Variants in GPATCH2 observed in about 807,000 individuals in gnomAD.
GPATCH2 encodes G patch domain-containing protein 2.
Under a neutral mutation model 58.0 loss-of-function variants are expected in GPATCH2, and 51 were observed. That is an observed-to-expected ratio of 0.88 (90% CI 0.70 to 1.11). GPATCH2 has a LOEUF of 1.11. Ranked by LOEUF, GPATCH2 falls within the 50% of genes most tolerant of loss-of-function variation. GPATCH2 has a pLI of 0.00. For synonymous variants in GPATCH2, 222 were observed against 218.5 expected (o/e 1.02, Z -0.14); for missense variants, 625 against 652.2 (o/e 0.96, Z 0.45).
intron 5 of GPATCH2, among the ~76,000 whole-genome samples, chr1:217,557,542 G>T (rs1571914218): frequency 6.6e-6 from 1 of 150,408 alleles, no homozygotes; most frequent in East Asian, 2.0e-4. Flanking sequence ...TCCGATATTT[G>T]TTCAAAAATG....
chr1:217,492,042 C>G (rs931132543), intron 7 of GPATCH2, among the ~76,000 whole-genome samples: 8 of 152,058 alleles, frequency 5.3e-5, no homozygotes, highest in Non-Finnish European at 1.2e-4. Flanking sequence ...CTAAACTGCC[C>G]TCTTAGTCAG....
At chr1:217,604,965 C>T (rs1298320267) in intron 5 of GPATCH2, among the ~76,000 whole-genome samples, 2 of 151,944 alleles carry the variant, frequency 1.3e-5, no homozygotes, top group African/African-American at 2.4e-5. Flanking sequence ...ACAAAGGTTG[C>T]AATGAGCTGA....
At chr1:217,595,406 A>G (rs1160110139) in intron 5 of GPATCH2, among the ~76,000 whole-genome samples, 2 of 152,220 alleles carry the variant, frequency 1.3e-5, no homozygotes, top group Non-Finnish European at 2.9e-5. Context: ...CAACATCACT[A>G]TAGCTCTAGC....
chr1:217,490,868 G>A (rs1247758014), intron 8 of GPATCH2, among the ~76,000 whole-genome samples: 1 of 152,150 alleles, frequency 6.6e-6, no homozygotes, highest in East Asian at 1.9e-4. Flanking sequence ...TCTAAATTAG[G>A]TATGCTGGGT....
chr1:217,458,979 T>G (rs991587286), intron 8 of GPATCH2, among the ~76,000 whole-genome samples: 1 of 152,190 alleles, frequency 6.6e-6, no homozygotes, highest in Non-Finnish European at 1.5e-5. Context: ...AAGAACCATG[T>G]CTAATTCCCA....
chr1:217,583,754 A>G (rs1667188726), intron 5 of GPATCH2, among the ~76,000 whole-genome samples: 3 of 152,088 alleles, frequency 2.0e-5, no homozygotes, highest in African/African-American at 7.2e-5. Flanking sequence ...ACTACAAAAT[A>G]TAAAATACAT....
At chr1:217,546,852 G>A (rs1665079173) in intron 5 of GPATCH2, among the ~76,000 whole-genome samples, 2 of 152,056 alleles carry the variant, frequency 1.3e-5, no homozygotes, top group South Asian at 4.1e-4. Flanking sequence ...TCTCACAAAG[G>A]TGTAACACCC....
At chr1:217,559,454 A>G (rs1392481381) in intron 5 of GPATCH2, among the ~76,000 whole-genome samples, 9 of 152,136 alleles carry the variant, frequency 5.9e-5, no homozygotes, top group Admixed American at 5.9e-4. Context: ...CTACTACTCC[A>G]TTGAGAGCTG....
At chr1:217,444,936 C>T (rs981865801) in intron 9 of GPATCH2, among the ~76,000 whole-genome samples, 7 of 152,278 alleles carry the variant, frequency 4.6e-5, no homozygotes, top group Non-Finnish European at 8.8e-5. Context: ...GCAAATGAGC[C>T]TTTAAAAAGT....
chr1:217,515,352 T>C (rs1007171786), intron 5 of GPATCH2, among the ~76,000 whole-genome samples: 1 of 151,944 alleles, frequency 6.6e-6, no homozygotes, highest in Non-Finnish European at 1.5e-5. Context: ...TGCCTCGGCC[T>C]CCCAAAGTGT....
intron 3 of GPATCH2, among the ~76,000 whole-genome samples, chr1:217,612,544 C>A (rs1668684468): frequency 6.6e-6 from 1 of 151,938 alleles, no homozygotes; most frequent in African/African-American, 2.4e-5. Context: ...AAAAATTTTT[C>A]AAAACACACA....
At chr1:217,558,768 T>C (rs1206585908) in intron 5 of GPATCH2, among the ~76,000 whole-genome samples, 1 of 151,876 alleles carries the variant, frequency 6.6e-6, no homozygotes, top group Non-Finnish European at 1.5e-5. Flanking sequence ...GGCAACAGAG[T>C]GAGACCTGTT....
At chr1:217,539,729 T>G (rs1164892659) in intron 5 of GPATCH2, among the ~76,000 whole-genome samples, 1 of 152,204 alleles carries the variant, frequency 6.6e-6, no homozygotes, top group Non-Finnish European at 1.5e-5. Flanking sequence ...TCTGTATGTG[T>G]GGCTGGCAAT....
rs1032984523 is a variant in GPATCH2, at chr1:217,526,024, G to A, written c.1099-11135C>T. On this transcript the variant is annotated intron_variant, in intron 5 of 9. Transcript: ENST00000366935. ...ATCCATTGTGCATACTTTTTGAACT[G>A]GGTATTATTTCTACTATTTTTCAAA... Among the ~76,000 whole-genome samples the A allele has an allele frequency of 3.3e-5, 5 of 151,992 alleles. No homozygotes were observed. The South Asian group carries it at 8.3e-4, about 25-fold the overall frequency.
intron 8 of GPATCH2, among the ~76,000 whole-genome samples, chr1:217,485,844 T>C (rs377450014): frequency 6.6e-6 from 1 of 152,184 alleles, no homozygotes; most frequent in African/African-American, 2.4e-5. Flanking sequence ...GGTATTGTAA[T>C]CTTCTGGGAC....
intron 5 of GPATCH2, among the ~76,000 whole-genome samples, chr1:217,534,345 T>C (rs1355986761): frequency 6.6e-6 from 1 of 152,196 alleles, no homozygotes; most frequent in Non-Finnish European, 1.5e-5. Flanking sequence ...CATGAAAACA[T>C]ACTAGCAAAC....
chr1:217,606,622 A>G (rs541735316), intron 5 of GPATCH2, among the ~76,000 whole-genome samples: 8 of 151,844 alleles, frequency 5.3e-5, no homozygotes, highest in Non-Finnish European at 1.2e-4. Context: ...ACGCCTGTAG[A>G]CCCTGCTACT....
chr1:217,459,098 A>G (rs1347584650), intron 8 of GPATCH2, among the ~76,000 whole-genome samples: 1 of 152,216 alleles, frequency 6.6e-6, no homozygotes, highest in South Asian at 2.1e-4. Context: ...GTGGTAATCA[A>G]TCATGAATTT....
At chr1:217,449,691 A>G (rs1659568887) in intron 8 of GPATCH2, among the ~76,000 whole-genome samples, 1 of 152,192 alleles carries the variant, frequency 6.6e-6, no homozygotes, top group African/African-American at 2.4e-5. Context: ...TAGGTTATCA[A>G]TTGGTTACTA....
Sources: gnomAD v4.1 joint callset for allele counts (sites outside exome capture counted in the v4.1 genomes callset) on GRCh38, gnomAD v4.1.1 for gene constraint, MANE v1.5 for transcripts, NCBI Gene and HGNC (gene_info 2026-07-23, HGNC 2026-07-21) for gene names.